Variants in PTPRK observed in about 807,000 individuals in gnomAD.
PTPRK encodes the protein protein tyrosine phosphatase receptor type K.
PTPRK carries 75 observed loss-of-function variants against 178.0 expected under a neutral mutation model. The ratio of observed to expected loss-of-function variants is 0.42; its 90% confidence interval spans 0.35 to 0.51. PTPRK has a LOEUF of 0.51. Among genes scored for constraint, PTPRK ranks in the 20% least tolerant of loss-of-function variants. PTPRK has a pLI of 0.02. For synonymous variants in PTPRK, 637 were observed against 620.6 expected (o/e 1.03, Z -0.39); for missense variants, 1,441 against 1,797.8 (o/e 0.80, Z 3.59).
intron 18 of PTPRK, 154 bp downstream of exon 18, chr6:127,995,308 A>G: frequency 6.2e-7 from 1 of 1,602,638 alleles, no homozygotes; most frequent in Non-Finnish European, 8.5e-7. Flanking sequence ...AAAGCACAAC[A>G]ATGTCAGTAA....
intron 3 of PTPRK, among the ~76,000 whole-genome samples, chr6:128,250,916 C>A (rs903676283): frequency 3.3e-5 from 5 of 152,162 alleles, no homozygotes; most frequent in African/African-American, 1.2e-4. Flanking sequence ...CTCATAGACA[C>A]TGGCAATTTG....
chr6:128,476,624 A>G (rs1851407801), intron 1 of PTPRK, among the ~76,000 whole-genome samples: 1 of 152,046 alleles, frequency 6.6e-6, no homozygotes, highest in African/African-American at 2.4e-5. Flanking sequence ...CAACAAGTGT[A>G]TACCATATAT....
At chr6:128,113,863 A>G (rs796663906) in intron 7 of PTPRK, among the ~76,000 whole-genome samples, 2 of 152,312 alleles carry the variant, frequency 1.3e-5, no homozygotes, top group African/African-American at 4.8e-5. Context: ...TGTATACATA[A>G]GTGCACACAC....
At chr6:128,264,994 G>C (rs976511835) in intron 3 of PTPRK, among the ~76,000 whole-genome samples, 1 of 152,142 alleles carries the variant, frequency 6.6e-6, no homozygotes. Context: ...CAGCCAATTG[G>C]AACTGTAAGT....
chr6:128,003,626 G>A (rs1008636496), intron 15 of PTPRK, among the ~76,000 whole-genome samples: 10 of 151,792 alleles, frequency 6.6e-5, no homozygotes, highest in Non-Finnish European at 1.5e-5. Context: ...AAGTTCATAA[G>A]TGGATATTTA....
intron 5 of PTPRK, among the ~76,000 whole-genome samples, chr6:128,224,815 C>T (rs1248733465): frequency 6.6e-6 from 1 of 152,060 alleles, no homozygotes; most frequent in Non-Finnish European, 1.5e-5. Context: ...ATGCCAAAAC[C>T]TGGAAGAGCT....
intron 3 of PTPRK, among the ~76,000 whole-genome samples, chr6:128,300,310 G>T (rs902453247): frequency 1.3e-5 from 2 of 152,064 alleles, no homozygotes; most frequent in Non-Finnish European, 2.9e-5. Context: ...GGAAGTCAGT[G>T]GGGGGATTCC....
intron 3 of PTPRK, among the ~76,000 whole-genome samples, chr6:128,251,998 C>T (rs1048828373): frequency 2.0e-5 from 3 of 152,172 alleles, no homozygotes; most frequent in African/African-American, 4.8e-5. Flanking sequence ...AAGAATGATA[C>T]TGTGTTTTGC....
rs942550277 is a variant in PTPRK, at chr6:128,519,327, G to C, written c.100+932C>G. 3.3e-5 allele frequency among the ~76,000 whole-genome samples: 5 copies of C among 152,196 alleles called. No homozygotes were observed. The highest frequency in any genetic ancestry group is 7.4e-5 in the Non-Finnish European group (5 of 68,020). On this transcript the variant is annotated intron_variant, in intron 1 of 29. Coordinates refer to ENST00000368226, the MANE Select transcript of PTPRK (RefSeq NM_002844.4). The surrounding 1 kb of genome is among the most constrained non-coding windows in gnomAD (Gnocchi z 4.3). ...CAGAGGGCGGGACCGGGAGAGCCAG[G>C]GTTCACGGACTTCTCTGAGCGGCTT...
intron 7 of PTPRK, among the ~76,000 whole-genome samples, chr6:128,166,016 T>C (rs1799345316): frequency 6.6e-6 from 1 of 151,720 alleles, no homozygotes; most frequent in African/African-American, 2.4e-5. Context: ...TATGTAAGGA[T>C]AAAGTTACTA....
At chr6:128,467,226 T>A (rs182433010) in intron 1 of PTPRK, among the ~76,000 whole-genome samples, 1 of 152,230 alleles carries the variant, frequency 6.6e-6, no homozygotes, top group East Asian at 1.9e-4. Flanking sequence ...GGTCTCAAAC[T>A]TCTTGCCTCA....
At chr6:128,113,034 A>C (rs1380903446) in intron 7 of PTPRK, among the ~76,000 whole-genome samples, 1 of 151,996 alleles carries the variant, frequency 6.6e-6, no homozygotes, top group Non-Finnish European at 1.5e-5. Context: ...TAAAACTCCA[A>C]ATCTTGCCAT....
intron 1 of PTPRK, among the ~76,000 whole-genome samples, chr6:128,453,318 C>G (rs1014836766): frequency 5.3e-5 from 8 of 152,156 alleles, no homozygotes; most frequent in African/African-American, 1.9e-4. Flanking sequence ...CTCTGGATCT[C>G]CCAACGTCTG....
chr6:128,416,783 G>A (rs1357437513), intron 1 of PTPRK, among the ~76,000 whole-genome samples: 1 of 151,316 alleles, frequency 6.6e-6, no homozygotes, highest in Non-Finnish European at 1.5e-5. Flanking sequence ...ATTAACAATA[G>A]TATACAGGAT....
chr6:128,411,840 T>C (rs1842343257), intron 1 of PTPRK, among the ~76,000 whole-genome samples: 2 of 152,202 alleles, frequency 1.3e-5, no homozygotes, highest in African/African-American at 4.8e-5. Flanking sequence ...AATATTTTGG[T>C]TTATATTTAT....
intron 3 of PTPRK, among the ~76,000 whole-genome samples, chr6:128,279,212 T>TAAAAA (rs58937614): frequency 6.9e-6 from 1 of 145,452 alleles, no homozygotes; most frequent in African/African-American, 2.5e-5. Flanking sequence ...GAGGTTAAAT[T>TAAAAA]AAAAAAAAAA....
chr6:128,415,940 A>G (rs1390232179), intron 1 of PTPRK, among the ~76,000 whole-genome samples: 1 of 152,186 alleles, frequency 6.6e-6, no homozygotes, highest in Non-Finnish European at 1.5e-5. Context: ...TGGGGCTGAT[A>G]ATATATTTGT....
chr6:128,130,005 A>G (rs1281835166), intron 7 of PTPRK, among the ~76,000 whole-genome samples: 2 of 152,154 alleles, frequency 1.3e-5, no homozygotes, highest in African/African-American at 2.4e-5. Flanking sequence ...CCAGTTCTGA[A>G]TGTACTACTC....
chr6:128,200,051 C>T (rs1181103623), intron 6 of PTPRK, among the ~76,000 whole-genome samples: 2 of 152,114 alleles, frequency 1.3e-5, no homozygotes, highest in East Asian at 3.9e-4. Context: ...CTTTTTTCTG[C>T]TTTCTAACTA....
Sources: gnomAD v4.1 joint callset for allele counts (sites outside exome capture counted in the v4.1 genomes callset) on GRCh38, gnomAD v4.1.1 for gene constraint, Gnocchi (gnomAD v3.1) non-coding constraint, MANE v1.5 for transcripts, NCBI Gene and HGNC (gene_info 2026-07-23, HGNC 2026-07-21) for gene names.